Variants in RBBP8 observed in about 807,000 individuals in gnomAD.
RBBP8 encodes the protein RB binding protein 8, endonuclease, also known as DNA endonuclease RBBP8.
A neutral mutation model predicts 108.3 loss-of-function variants in RBBP8; 88 were observed. That is an observed-to-expected ratio of 0.81 (90% CI 0.68 to 0.97). RBBP8 has a LOEUF of 0.97. Among genes scored for constraint, RBBP8 ranks in the 50% least tolerant of loss-of-function variants. RBBP8 has a pLI of 0.00. For missense variants in RBBP8, 1,023 were observed against 1,049.0 expected, an observed-to-expected ratio of 0.98 and a Z score of 0.34; for synonymous variants, 332 against 348.2, an observed-to-expected ratio of 0.95 and a Z score of 0.52.
intron 2 of RBBP8, among the ~76,000 whole-genome samples, chr18:22,945,409 C>T (rs1487901330): frequency 1.3e-5 from 2 of 151,590 alleles, no homozygotes; most frequent in Non-Finnish European, 2.9e-5. Flanking sequence ...TTTTTTCAGA[C>T]GGAGTTTCGC....
chr18:22,976,033 C>T (rs953397174), intron 6 of RBBP8, among the ~76,000 whole-genome samples: 1 of 152,068 alleles, frequency 6.6e-6, no homozygotes, highest in Non-Finnish European at 1.5e-5. Flanking sequence ...GGCGTTATAG[C>T]GTTCCTAAAG....
At chr18:22,947,818 T>TAAA (rs1260867774) in intron 3 of RBBP8, among the ~76,000 whole-genome samples, 1 of 152,144 alleles carries the variant, frequency 6.6e-6, no homozygotes, top group Non-Finnish European at 1.5e-5. Context: ...ATGCTCTTTA[T>TAAA]GTTACCACTT....
chr18:22,918,347 C>T (rs1387625189), intron 3 of RBBP8, among the ~76,000 whole-genome samples: 1 of 152,118 alleles, frequency 6.6e-6, no homozygotes, highest in Non-Finnish European at 1.5e-5. Context: ...ATGGCAGAGC[C>T]TACTACACAC....
At chr18:23,011,121 T>C (rs1046501616) in intron 16 of RBBP8, among the ~76,000 whole-genome samples, 9 of 152,182 alleles carry the variant, frequency 5.9e-5, no homozygotes, top group Non-Finnish European at 1.0e-4. Flanking sequence ...AAAGGACTTA[T>C]ACTTAGAGTG....
rs1598680563 is a variant in RBBP8 at position 22,968,787 on chromosome 18, A to T, written c.249-19A>T. 2.5e-6 allele frequency: 4 copies of T among 1,594,536 alleles called. No individual in the cohort carries two copies. In the East Asian group the frequency reaches 9.0e-5, roughly 36 times the overall value. ...AAATCTCTTTTAGTGGATGAAAAAT[A>T]CCTTGTTTTGTTTCATAGGTTAAGA... On this transcript the variant is annotated intron_variant, in intron 4 of 18. Transcript: ENST00000327155.
At chr18:23,012,006 GC>G (rs1477356232) in intron 16 of RBBP8, among the ~76,000 whole-genome samples, 2 of 151,780 alleles carry the variant, frequency 1.3e-5, no homozygotes, top group Non-Finnish European at 2.9e-5. Context: ...ATCGAGACCA[GC>G]CTGGGCAACA....
intron 4 of RBBP8, among the ~76,000 whole-genome samples, chr18:22,954,909 A>G (rs932035848): frequency 1.3e-5 from 2 of 152,196 alleles, no homozygotes; most frequent in Non-Finnish European, 2.9e-5. Context: ...GCATAGCGTT[A>G]ACTGCCCCCA....
At chr18:22,946,120 T>A (rs1363287408) in intron 2 of RBBP8, among the ~76,000 whole-genome samples, 1 of 152,244 alleles carries the variant, frequency 6.6e-6, no homozygotes. Flanking sequence ...ACACCATTGC[T>A]GTTAGCAAAT....
chr18:22,934,526 A>T (rs1371514494), intron 1 of RBBP8, among the ~76,000 whole-genome samples: 4 of 147,262 alleles, frequency 2.7e-5, no homozygotes, highest in African/African-American at 1.0e-4. Flanking sequence ...TCTTTATTTT[A>T]TTATTATTTT....
chr18:22,994,949 C>A lies in RBBP8; in HGVS notation c.1939+1102C>A, dbSNP rs551609914. Among the ~76,000 whole-genome samples the A allele has an allele frequency of 2.6e-5, 4 of 152,082 alleles. No homozygotes were observed. In the South Asian group the frequency reaches 8.3e-4, roughly 32 times the overall value. ...CCTTGTTGCCCAGGTTGGTCTCGAA[C>A]TACTGGACTCAAGCCATCTGCCTGC... On this transcript the variant is annotated intron_variant, in intron 12 of 18. Transcript: ENST00000327155.
At chr18:22,967,755 T>G (rs1204849087) in intron 4 of RBBP8, among the ~76,000 whole-genome samples, 1 of 150,976 alleles carries the variant, frequency 6.6e-6, no homozygotes, top group Non-Finnish European at 1.5e-5. Flanking sequence ...CACGCCATTC[T>G]CCTGCCTCAG....
chr18:22,967,230 G>A (rs572539027), intron 4 of RBBP8, among the ~76,000 whole-genome samples: 3 of 151,982 alleles, frequency 2.0e-5, no homozygotes, highest in African/African-American at 7.2e-5. Flanking sequence ...GCCAGGAGAG[G>A]TGGCGGGCAC....
rs1346795240 is a variant in RBBP8 at position 22,917,028 on chromosome 18, T to A, written c.-154+2T>A. On this transcript the variant is annotated splice_donor_variant, in intron 3 of 4. Coordinates refer to the RBBP8 transcript ENST00000577588. LOFTEE classifies it low-confidence loss of function (5UTR_SPLICE). Reference sequence around the variant, plus strand: ...GTGATAGAAGCTGTTATTGAAGGGGTAAGCTTTGCACACAAGTGCTCAAAA... The same window carrying A: ...GTGATAGAAGCTGTTATTGAAGGGGAAAGCTTTGCACACAAGTGCTCAAAA... 1 of 152,116 alleles carries A rather than the reference T, an allele frequency of 6.6e-6. No homozygotes were observed. Among genetic ancestry groups the A allele is most frequent in the Admixed American group, 6.6e-5 (1 of 15,266 alleles). The allele number at this position is 152,116 out of a possible 1,614,324, so 9.4% of individuals were successfully genotyped here.
At chr18:22,937,135 T>G (rs1417796127) in intron 2 of RBBP8, 175 bp downstream of exon 2, 1 of 1,332,128 alleles carries the variant, frequency 7.5e-7, no homozygotes, top group Non-Finnish European at 1.0e-6. Flanking sequence ...GGTGTGCAAA[T>G]GATTTCATCA....
At chr18:23,021,328 T>G (rs2046343100) in intron 17 of RBBP8, among the ~76,000 whole-genome samples, 1 of 152,126 alleles carries the variant, frequency 6.6e-6, no homozygotes, top group Non-Finnish European at 1.5e-5. Flanking sequence ...GGCAAGAGAA[T>G]CACTTGAACA....
At chr18:22,997,369 A>C (rs1304676600) in intron 13 of RBBP8, among the ~76,000 whole-genome samples, 1 of 152,224 alleles carries the variant, frequency 6.6e-6, no homozygotes, top group Non-Finnish European at 1.5e-5. Flanking sequence ...GTTTAGTGGT[A>C]AATAATTCTC....
chr18:22,960,254 A>G (rs1286117922), intron 4 of RBBP8, among the ~76,000 whole-genome samples: 1 of 152,220 alleles, frequency 6.6e-6, no homozygotes, highest in African/African-American at 2.4e-5. Flanking sequence ...CATACAGTTT[A>G]CCAACTTAAA....
intron 3 of RBBP8, among the ~76,000 whole-genome samples, chr18:22,923,962 C>A (rs541044463): frequency 2.0e-5 from 3 of 151,944 alleles, no homozygotes; most frequent in Admixed American, 6.6e-5. Context: ...AATAAATTAG[C>A]CTAAAAAATG....
At chr18:22,945,211 A>G (rs979792960) in intron 2 of RBBP8, among the ~76,000 whole-genome samples, 1 of 152,146 alleles carries the variant, frequency 6.6e-6, no homozygotes, top group African/African-American at 2.4e-5. Flanking sequence ...TTGAGAAATT[A>G]AAGAGTAAAT....
Sources: gnomAD v4.1 joint callset for allele counts (sites outside exome capture counted in the v4.1 genomes callset) on GRCh38, gnomAD v4.1.1 for gene constraint, MANE v1.5 for transcripts, NCBI Gene and HGNC (gene_info 2026-07-23, HGNC 2026-07-21) for gene names.